Variants in PLB1 observed in about 807,000 individuals in gnomAD.
The protein encoded by PLB1 is phospholipase B1, also known as phospholipase B1, membrane-associated.
A neutral mutation model predicts 227.4 loss-of-function variants in PLB1; 242 were observed. The ratio of observed to expected loss-of-function variants is 1.06; its 90% CI spans 0.96 to 1.18. The LOEUF (loss-of-function observed/expected upper bound fraction) is 1.18. Ranked by LOEUF, PLB1 falls within the 50% of genes most tolerant of loss-of-function variation. The pLI is 0.00. For missense variants in PLB1, 1,858 were observed against 1,816.3 expected, an observed-to-expected ratio of 1.02 and a Z score of -0.42; for synonymous variants, 757 against 682.2, an observed-to-expected ratio of 1.11 and a Z score of -1.71.
intron 17 of PLB1, among the ~76,000 whole-genome samples, chr2:28,560,942 C>G (rs1043249284): frequency 5.3e-5 from 8 of 152,312 alleles, no homozygotes; most frequent in African/African-American, 1.9e-4. Context: ...AAGCTCGACC[C>G]TACCACATCC....
At chr2:28,528,941 CTTT>C (rs201087238) in intron 6 of PLB1, among the ~76,000 whole-genome samples, 4 of 109,426 alleles carry the variant, frequency 3.7e-5, no homozygotes, top group East Asian at 2.6e-4. Flanking sequence ...GGGAGTCAGT[CTTT>C]TTTTTTTTTT....
In PLB1 at chr2:28,540,363, C is replaced by T. The variant is rs79986357; in HGVS notation, c.699-3C>T. The stretch of plus-strand genomic sequence containing the variant: ...CTCATTCCTGGTGTGTTTTAACCTG[C>T]AGCCCTGCACCAGAGCCCTGTAATT... On this transcript the variant is annotated splice_region_variant and splice_polypyrimidine_tract_variant and intron_variant, in intron 11 of 57. Coordinates refer to ENST00000327757, the MANE Select transcript of PLB1 (RefSeq NM_153021.5). The T allele has an allele frequency of 1.8e-5, 29 of 1,613,738 alleles. 1 individual carries two copies. Among genetic ancestry groups the T allele is most frequent in the Non-Finnish European group, 2.3e-5 (27 of 1,179,742 alleles).
intron 4 of PLB1, among the ~76,000 whole-genome samples, chr2:28,521,218 C>G (rs1669492464): frequency 6.6e-6 from 1 of 152,218 alleles, no homozygotes; most frequent in South Asian, 2.1e-4. Flanking sequence ...CTGTTGCAAA[C>G]AATGCTGCTA....
intron 21 of PLB1, 109 bp downstream of exon 21, chr2:28,573,414 A>G: frequency 1.2e-6 from 1 of 823,772 alleles, no homozygotes; most frequent in Non-Finnish European, 2.0e-6. Context: ...TTGTCAGAGG[A>G]AAGGGTTTCG....
intron 1 of PLB1, among the ~76,000 whole-genome samples, chr2:28,513,839 C>T (rs925238178): frequency 1.3e-5 from 2 of 152,170 alleles, no homozygotes; most frequent in Admixed American, 1.3e-4. Flanking sequence ...CTTTGAATTC[C>T]GGAGTCAGCA....
chr2:28,551,254 G>A (rs72861748), intron 16 of PLB1, among the ~76,000 whole-genome samples: 3,253 of 152,318 alleles, frequency 0.021, 123 homozygotes, highest in African/African-American at 0.075. Context: ...ACACTGGTAG[G>A]GGGCCCCTGA....
chr2:28,636,047 A>G (rs6727474), intron 56 of PLB1, among the ~76,000 whole-genome samples: 46,116 of 144,712 alleles, frequency 0.32, 7,391 homozygotes, highest in Non-Finnish European at 0.38. Context: ...GTGTGTATGT[A>G]TGTGTATGTG....
chr2:28,557,945 C>T (rs909378242), intron 17 of PLB1, among the ~76,000 whole-genome samples: 3 of 152,136 alleles, frequency 2.0e-5, no homozygotes, highest in Non-Finnish European at 2.9e-5. Context: ...GAAGTCAACT[C>T]CTCCCACCCA....
Position 28,573,272 on chromosome 2 carries a change from T to C in PLB1, c.1400T>C (p.Phe467Ser). ...GGGAAAGAAACCAGTCCTAATGCCT[T>C]CTTAAACCAGGCTGTGGCAGGAGGC... ...GTGKETSPNA[F>S]LNQAVAGGRA... Residue 467 changes from phenylalanine to serine, a missense_variant, in exon 21 of 58, where the codon TTC becomes TCC. Physicochemically the swap from Phe to Ser is radical, Grantham distance 155. Transcript: ENST00000327757. 1 of 1,614,026 alleles carries C rather than the reference T, an allele frequency of 6.2e-7. No individual in the cohort carries two copies.
At chr2:28,581,486 A>AAATAAATAAAT (rs1679946332) in intron 23 of PLB1, among the ~76,000 whole-genome samples, 1 of 111,160 alleles carries the variant, frequency 9.0e-6, no homozygotes, top group African/African-American at 4.2e-5. Context: ...TCCACGCAAA[A>AAATAAATAAAT]AAATAAATAA....
At chr2:28,606,771 A>G (rs1289224385) in intron 43 of PLB1, among the ~76,000 whole-genome samples, 2 of 152,198 alleles carry the variant, frequency 1.3e-5, no homozygotes, top group African/African-American at 4.8e-5. Context: ...CATTGGGAAC[A>G]GGAGATGCAG....
chr2:28,612,003 A>G (rs972524824), intron 43 of PLB1, among the ~76,000 whole-genome samples: 1 of 152,042 alleles, frequency 6.6e-6, no homozygotes, highest in African/African-American at 2.4e-5. Context: ...AAAAATAGCC[A>G]TTTGTGGTGG....
chr2:28,522,533 G>T (rs1669658208), intron 4 of PLB1, among the ~76,000 whole-genome samples: 1 of 152,176 alleles, frequency 6.6e-6, no homozygotes, highest in South Asian at 2.1e-4. Context: ...TTACATCCCA[G>T]AGCCCAGGAT....
chr2:28,621,613 T>G, intron 49 of PLB1, among the ~76,000 whole-genome samples: 1 of 152,208 alleles, frequency 6.6e-6, no homozygotes, highest in East Asian at 1.9e-4. Flanking sequence ...TGGAGCGTGC[T>G]GGGTGTATGC....
chr2:28,524,431 T>C (rs1227136098), intron 4 of PLB1, among the ~76,000 whole-genome samples: 1 of 152,204 alleles, frequency 6.6e-6, no homozygotes, highest in African/African-American at 2.4e-5. Flanking sequence ...AGAGCTCAAG[T>C]CCTATGTTGC....
At chr2:28,571,150 T>C (rs1382132893) in intron 20 of PLB1, among the ~76,000 whole-genome samples, 1 of 152,102 alleles carries the variant, frequency 6.6e-6, no homozygotes, top group Non-Finnish European at 1.5e-5. Context: ...CAAATCAATA[T>C]ACAAAAATCA....
chr2:28,580,431 T>A (rs1573130448), intron 23 of PLB1, among the ~76,000 whole-genome samples: 1 of 152,252 alleles, frequency 6.6e-6, no homozygotes, highest in African/African-American at 2.4e-5. Context: ...AAAAGCAAAG[T>A]TGGCTGGGTG....
rs746357103 is a variant in PLB1 at position 28,545,470 on chromosome 2, A to G, written c.936+2202A>G. Among the ~76,000 whole-genome samples, 6 of 152,302 alleles carry G rather than the reference A, an allele frequency of 3.9e-5. No homozygotes were observed. In the South Asian group the frequency reaches 1.2e-3, roughly 32 times the overall value. ...TTCAGCCATGAGAAGCGACGGGTAT[A>G]ACAGGTTAGGGCGAAGGGCACTGGA... is the stretch of plus-strand genomic sequence containing the variant. On this transcript the variant is annotated intron_variant, in intron 14 of 57. Coordinates refer to ENST00000327757, the MANE Select transcript of PLB1 (RefSeq NM_153021.5).
intron 25 of PLB1, chr2:28,585,557 G>A (rs1163485470): frequency 7.8e-6 from 4 of 515,448 alleles, no homozygotes; most frequent in East Asian, 3.6e-5. Context: ...CATTACAGGC[G>A]TGAGCCACCG....
Sources: gnomAD v4.1 joint callset for allele counts (sites outside exome capture counted in the v4.1 genomes callset) on GRCh38, gnomAD v4.1.1 for gene constraint, MANE v1.5 for transcripts, NCBI Gene and HGNC (gene_info 2026-07-23, HGNC 2026-07-21) for gene names.